The following DNAJC16 variants were observed in gnomAD, a reference collection of about 807,000 sequenced individuals.
The protein encoded by DNAJC16 is dnaJ homolog subfamily C member 16.
A neutral mutation model predicts 92.7 loss-of-function variants in DNAJC16; 76 were observed. The ratio of observed to expected loss-of-function variants is 0.82; its 90% CI spans 0.68 to 0.99. The LOEUF (loss-of-function observed/expected upper bound fraction) is 0.99. Ranked by LOEUF, DNAJC16 falls within the 50% of genes least tolerant of loss-of-function variation. DNAJC16 has a pLI of 0.00. For synonymous variants in DNAJC16, 328 were observed against 358.7 expected, an observed-to-expected ratio of 0.91 and a Z score of 0.97; for missense variants, 869 against 942.4, an observed-to-expected ratio of 0.92 and a Z score of 1.02.
chr1:15,562,571 G>A (rs550207717), intron 9 of DNAJC16, among the ~76,000 whole-genome samples: 52 of 150,020 alleles, frequency 3.5e-4, no homozygotes, highest in African/African-American at 1.3e-3. Flanking sequence ...TTACAGCCTC[G>A]ACCTCCCAGG....
At chr1:15,567,497 T>C (rs888853468) in intron 14 of DNAJC16, among the ~76,000 whole-genome samples, 2 of 152,202 alleles carry the variant, frequency 1.3e-5, no homozygotes, top group Admixed American at 6.5e-5. Context: ...CTCAGTGTTA[T>C]TCCCTGAGCC....
In DNAJC16 at chr1:15,566,004, A is replaced by G; in HGVS notation, c.1679+5A>G. ...TGTCATCGTTCAGGCTTTCAGGTAA[A>G]TGTCCTGTGGCTTCTCGGTGCACCA... On this transcript the variant is annotated splice_donor_5th_base_variant and intron_variant, in intron 12 of 14. Coordinates refer to ENST00000375847, the MANE Select transcript of DNAJC16 (RefSeq NM_015291.4). 6.2e-7 allele frequency: 1 copy of G among 1,612,912 alleles called. No homozygotes were observed. The highest frequency in any genetic ancestry group is 8.5e-7 in the Non-Finnish European group (1 of 1,179,682).
chr1:15,546,766 G>A lies in DNAJC16; in HGVS notation c.760-1G>A. 1.2e-6 allele frequency: 2 copies of A among 1,605,274 alleles called. No homozygotes were observed. The highest frequency in any genetic ancestry group is 1.1e-5 in the South Asian group (1 of 90,430). ...GACTAACATTCTATTTTCAATTTAA[G>A]GTTACAAATAAAAATTACGTCAGAT... is the stretch of plus-strand genomic sequence containing the variant. On this transcript the variant is annotated splice_acceptor_variant, in intron 5 of 14. Transcript: ENST00000375847. LOFTEE classifies it high-confidence loss of function.
rs541534847 is a variant in DNAJC16 at position 15,554,127 on chromosome 1, C to T, written c.1024-5399C>T. 8.4e-4 allele frequency among the ~76,000 whole-genome samples: 127 copies of T among 151,738 alleles called. No homozygotes were observed. The Middle Eastern group carries it at 0.01, about 12-fold the overall frequency. ...CTGAGGCAGGAGAATTGCTTCAGCCCGGGAGGTCAAGGCTGCAGTGAGCTG... is the reference window on the plus strand; with the variant it reads ...CTGAGGCAGGAGAATTGCTTCAGCCTGGGAGGTCAAGGCTGCAGTGAGCTG... On this transcript the variant is annotated intron_variant, in intron 7 of 14. Transcript: ENST00000375847.
chr1:15,535,487 C>T (rs781765472), intron 3 of DNAJC16, among the ~76,000 whole-genome samples: 2 of 152,172 alleles, frequency 1.3e-5, no homozygotes, highest in South Asian at 2.1e-4. Flanking sequence ...TGGCTGCTCA[C>T]GCCCTGTAAT....
intron 4 of DNAJC16, among the ~76,000 whole-genome samples, chr1:15,537,253 AT>A (rs1052143457): frequency 9.1e-4 from 138 of 152,258 alleles, no homozygotes; most frequent in African/African-American, 3.2e-3. Context: ...CGAAGCACCA[AT>A]TTTTTACTTA....
intron 7 of DNAJC16, among the ~76,000 whole-genome samples, chr1:15,554,794 C>CTAT (rs1340370892): frequency 6.6e-6 from 1 of 152,052 alleles, no homozygotes; most frequent in East Asian, 1.9e-4. Context: ...AAAGGCAAAG[C>CTAT]TATACGGCTT....
chr1:15,534,202 C>A (rs370575231), intron 2 of DNAJC16, 35 bp from the exon 3 acceptor site: 72 of 1,611,698 alleles, frequency 4.5e-5, no homozygotes, highest in Non-Finnish European at 6.0e-5. Flanking sequence ...TTAAAAGTTA[C>A]ATCCTTTCTC....
chr1:15,546,134 A>G (rs761168691), intron 5 of DNAJC16, among the ~76,000 whole-genome samples: 1 of 152,040 alleles, frequency 6.6e-6, no homozygotes, highest in African/African-American at 2.4e-5. Context: ...CTGAGACCCA[A>G]TCTCTACAAA....
In DNAJC16 at chr1:15,568,719, G is replaced by T. The variant is rs1638876601; in HGVS notation, c.*542G>T. The T allele has an allele frequency of 2.5e-6, 1 of 398,894 alleles. No individual in the cohort carries two copies. The highest frequency in any genetic ancestry group is 1.3e-4 in the South Asian group (1 of 7,868). The allele number at this position is 398,894 out of a possible 1,614,324, so 24.7% of individuals were successfully genotyped here. A position where few individuals can be genotyped will look rare whatever the true frequency, so the allele number is the denominator to read the frequency against. On this transcript the variant is annotated 3_prime_UTR_variant, in exon 15 of 15. Transcript: ENST00000375847. ...CTCACGTTTACTGGTTGTTCTGGGA[G>T]TAAGTGGCTAAATGTATATTTTGGG...
intron 7 of DNAJC16, among the ~76,000 whole-genome samples, chr1:15,556,545 T>C (rs932086544): frequency 6.6e-6 from 1 of 152,252 alleles, no homozygotes; most frequent in African/African-American, 2.4e-5. Context: ...ACAAAAACTT[T>C]GTATCATCCA....
chr1:15,559,427 G>A, intron 7 of DNAJC16, 99 bp from the exon 8 acceptor site: 2 of 1,525,898 alleles, frequency 1.3e-6, no homozygotes, highest in South Asian at 1.2e-5. Flanking sequence ...CTTTAGCCAA[G>A]GTCAGCTACG....
Position 15,567,182 on chromosome 1 carries a change from G to A in DNAJC16, c.1862G>A (p.Gly621Asp), listed in dbSNP as rs1448888655. 1 of 1,614,060 alleles carries A rather than the reference G, an allele frequency of 6.2e-7. No individual in the cohort carries two copies. Among genetic ancestry groups the A allele is most frequent in the South Asian group, 1.1e-5 (1 of 91,086 alleles). ...AGTAACTTGGTACGTCTGAGGCCAG[G>A]CCACATGAATGTGGTCCTCATCCTG... is the stretch of plus-strand genomic sequence containing the variant. The part of the protein sequence containing the change: ...YTSNLVRLRP[G>D]HMNVVLILSN... The change falls in exon 14 of 15, where the codon GGC (glycine) becomes GAC (aspartate). Residue 621 changes from glycine (G) to aspartate (D), a missense_variant. Coordinates refer to ENST00000375847, the MANE Select transcript of DNAJC16 (RefSeq NM_015291.4).
chr1:15,544,468 C>T lies in DNAJC16; in HGVS notation c.644C>T (p.Thr215Met), dbSNP rs200637391. ...GCCCATCACCTAGGGGCACACAGCA[C>T]GCCCTCTATCCTAGGAATCATTAAC... Reference protein sequence around the residue: ...RLAHHLGAHSTPSILGIINGK... With the variant: ...RLAHHLGAHSMPSILGIINGK... Residue 215 changes from threonine (T) to methionine (M), a missense_variant, in exon 5 of 15, where the codon ACG becomes ATG. By Grantham distance (81) the Thr-to-Met change is moderately conservative. Transcript: ENST00000375847. The T allele has an allele frequency of 5.7e-5, 92 of 1,613,950 alleles. No individual in the cohort carries two copies. In the East Asian group the frequency reaches 1.2e-3, roughly 21 times the overall value.
At chr1:15,555,385 CAA>C (rs138122400) in intron 7 of DNAJC16, among the ~76,000 whole-genome samples, 20 of 105,772 alleles carry the variant, frequency 1.9e-4, no homozygotes, top group East Asian at 2.9e-4. Flanking sequence ...GACTCCATCT[CAA>C]AAAAAAAAAA....
intron 11 of DNAJC16, among the ~76,000 whole-genome samples, chr1:15,564,768 A>T (rs189637674): frequency 6.6e-6 from 1 of 151,628 alleles, no homozygotes; most frequent in East Asian, 1.9e-4. Context: ...ACCTCAGGTG[A>T]TCCACCCGCC....
In DNAJC16 at chr1:15,542,517, A is replaced by G. The variant is rs189993291; in HGVS notation, c.575-1882A>G. On this transcript the variant is annotated intron_variant, in intron 4 of 14. Coordinates refer to ENST00000375847, the MANE Select transcript of DNAJC16 (RefSeq NM_015291.4). ...TAATATCCCTTATACCTAATGAGTAACCATAAGGAATGTTCCCCTGAGTTC... is the reference window on the plus strand; with the variant it reads ...TAATATCCCTTATACCTAATGAGTAGCCATAAGGAATGTTCCCCTGAGTTC... Among the ~76,000 whole-genome samples the G allele has an allele frequency of 4.6e-5, 7 of 152,272 alleles. No homozygotes were observed. In the East Asian group the frequency reaches 1.4e-3, roughly 29 times the overall value.
Position 15,567,163 on chromosome 1 carries a change from T to C in DNAJC16, c.1843T>C (p.Leu615=), listed in dbSNP as rs771955204. 7.1e-5 allele frequency: 114 copies of C among 1,614,156 alleles called. 2 individuals are homozygous for C. In the South Asian group the frequency reaches 1.2e-3, roughly 17 times the overall value. ...CACAGATGTAACATACACCAGTAAC[T>C]TGGTACGTCTGAGGCCAGGCCACAT... ...ELTDVTYTSN[L]VRLRPGHMNV... Residue 615 remains leucine (L), a synonymous_variant, in exon 14 of 15, where the codon TTG becomes CTG. Transcript: ENST00000375847.
Position 15,569,889 on chromosome 1 carries a change from T to A in DNAJC16, c.*1712T>A, listed in dbSNP as rs1473354318. 1 of 152,250 alleles carries A rather than the reference T, an allele frequency of 6.6e-6. No individual in the cohort carries two copies. Among genetic ancestry groups the A allele is most frequent in the Non-Finnish European group, 1.5e-5 (1 of 68,022 alleles). The allele number at this position is 152,250 out of a possible 1,614,324, so 9.4% of individuals were successfully genotyped here. On this transcript the variant is annotated 3_prime_UTR_variant, in exon 15 of 15. Coordinates refer to ENST00000375847, the MANE Select transcript of DNAJC16 (RefSeq NM_015291.4). ...CATGAACTCCTGACCTCAGGTGATC[T>A]GCCTGCCTCAGCCTCCCAAAGTGCT...
Sources: gnomAD v4.1 joint callset for allele counts (sites outside exome capture counted in the v4.1 genomes callset) on GRCh38, gnomAD v4.1.1 for gene constraint, MANE v1.5 for transcripts, NCBI Gene and HGNC (gene_info 2026-07-23, HGNC 2026-07-21) for gene names.